The following LRIG1 variants were observed in gnomAD, a reference collection of about 807,000 sequenced individuals.
LRIG1 encodes leucine rich repeats and immunoglobulin like domains 1, also known as leucine-rich repeats and immunoglobulin-like domains protein 1.
In LRIG1, 48 loss-of-function variants were observed where a neutral mutation model predicts 99.2. The observed-to-expected ratio is 0.48, with a 90% CI of 0.38 to 0.62. LRIG1 has a LOEUF of 0.62. Ranked by LOEUF, LRIG1 falls within the 20% of genes least tolerant of loss-of-function variation. LRIG1 has a pLI of 0.00. For synonymous variants in LRIG1, 772 were observed against 596.1 expected (o/e 1.29, Z -4.30); for missense variants, 1,646 against 1,434.4 (o/e 1.15, Z -2.38).
Position 66,500,736 on chromosome 3 carries a change from C to A in LRIG1, c.-329G>T. The A allele has an allele frequency of 5.3e-6, 1 of 188,710 alleles. No homozygotes were observed. Among genetic ancestry groups the A allele is most frequent in the Non-Finnish European group, 1.1e-5 (1 of 92,370 alleles). 11.7% of individuals were successfully genotyped at this position (188,710 alleles called of 1,614,324 possible). Reference sequence around the variant, plus strand: ...GCCCGGGGCACGCCGAGTGCCGCTACCGACACCGGCCGAGGGCAGTGCTGC... The same window carrying A: ...GCCCGGGGCACGCCGAGTGCCGCTAACGACACCGGCCGAGGGCAGTGCTGC... On this transcript the variant is annotated 5_prime_UTR_variant, in exon 1 of 19. Coordinates refer to ENST00000273261, the MANE Select transcript of LRIG1 (RefSeq NM_015541.3).
chr3:66,429,634 A>AT (rs139545056), intron 3 of LRIG1, among the ~76,000 whole-genome samples: 72,538 of 152,022 alleles, frequency 0.48, 20,711 homozygotes, highest in Non-Finnish European at 0.66. Flanking sequence ...TGACACTGTA[A>AT]TGGTGGGCAC....
chr3:66,422,178 A>C (rs1025296712), intron 3 of LRIG1, among the ~76,000 whole-genome samples: 9 of 152,218 alleles, frequency 5.9e-5, no homozygotes, highest in African/African-American at 1.7e-4. Flanking sequence ...CTGGAGACAT[A>C]TTCCCCATTG....
intron 1 of LRIG1, among the ~76,000 whole-genome samples, chr3:66,490,562 G>C (rs1462255032): frequency 6.6e-6 from 1 of 152,096 alleles, no homozygotes; most frequent in Non-Finnish European, 1.5e-5. Context: ...AAAACCAGAT[G>C]AAAGAATGGT....
rs955297006 is a variant in LRIG1 at position 66,401,688 on chromosome 3, C to CA, written c.1161-2648dup. 4 of 1,525,092 alleles carry CA rather than the reference C, an allele frequency of 2.6e-6. No individual in the cohort carries two copies. In the African/African-American group the frequency reaches 5.5e-5, roughly 21 times the overall value. The allele number at this position is 1,525,092 out of a possible 1,614,324, so 94.5% of individuals were successfully genotyped here. On this transcript the variant is annotated intron_variant, in intron 9 of 18. Coordinates refer to ENST00000273261, the MANE Select transcript of LRIG1 (RefSeq NM_015541.3). ...GATGGCTCTAATAAAAGGCTGCTGC[C>CA]AGGAGAAAGGAGAGGCGGGATTATG...
chr3:66,405,836 G>T, intron 8 of LRIG1: 1 of 1,133,998 alleles, frequency 8.8e-7, no homozygotes, highest in Non-Finnish European at 1.1e-6. Context: ...ACATCTGGGT[G>T]CTGAGTCAGA....
intron 3 of LRIG1, among the ~76,000 whole-genome samples, chr3:66,441,069 C>G (rs116239031): frequency 6.6e-6 from 1 of 151,998 alleles, no homozygotes; most frequent in Non-Finnish European, 1.5e-5. Context: ...CAGCTGTCCC[C>G]GAGGAAAAAA....
At chr3:66,382,634 C>T (rs1701144728) in intron 15 of LRIG1, among the ~76,000 whole-genome samples, 1 of 151,994 alleles carries the variant, frequency 6.6e-6, no homozygotes, top group African/African-American at 2.4e-5. Flanking sequence ...AAGTGGAGAC[C>T]AGTGATGGAA....
chr3:66,475,436 C>A (rs1389091844), intron 1 of LRIG1, among the ~76,000 whole-genome samples: 1 of 152,188 alleles, frequency 6.6e-6, no homozygotes, highest in East Asian at 1.9e-4. Flanking sequence ...GGCAGGCACT[C>A]AGCTATCAGA....
chr3:66,479,034 G>C (rs1700788091), intron 1 of LRIG1, among the ~76,000 whole-genome samples: 1 of 152,138 alleles, frequency 6.6e-6, no homozygotes, highest in African/African-American at 2.4e-5. Flanking sequence ...TCACCCTGCA[G>C]CCGCCCAAGT....
intron 3 of LRIG1, among the ~76,000 whole-genome samples, chr3:66,435,825 A>G (rs1006917668): frequency 6.6e-6 from 1 of 151,994 alleles, no homozygotes; most frequent in African/African-American, 2.4e-5. Flanking sequence ...AATTATCCCT[A>G]AGTATCATTA....
intron 3 of LRIG1, among the ~76,000 whole-genome samples, chr3:66,441,020 T>C (rs988364957): frequency 6.6e-6 from 1 of 152,062 alleles, no homozygotes; most frequent in African/African-American, 2.4e-5. Flanking sequence ...TACCGCTACG[T>C]GGAAAAGGAG....
Position 66,445,200 on chromosome 3 carries a change from A to G in LRIG1, c.365+6359T>C, listed in dbSNP as rs1703674807. On this transcript the variant is annotated intron_variant, in intron 3 of 18. Transcript: ENST00000273261. ...GAGAATTCATTTTATTGCCAGAGCAATAAAATGCCTGTAGCCCAGGTAAGG... is the reference window on the plus strand; with the variant it reads ...GAGAATTCATTTTATTGCCAGAGCAGTAAAATGCCTGTAGCCCAGGTAAGG... 2.6e-5 allele frequency among the ~76,000 whole-genome samples: 4 copies of G among 152,078 alleles called. No individual in the cohort carries two copies. In the South Asian group the frequency reaches 8.3e-4, roughly 31 times the overall value.
At chr3:66,474,294 G>C (rs1029141265) in intron 1 of LRIG1, among the ~76,000 whole-genome samples, 1 of 150,718 alleles carries the variant, frequency 6.6e-6, no homozygotes, top group South Asian at 2.1e-4. Context: ...TAAATCATTC[G>C]CCAAAGTCCC....
At chr3:66,395,337 C>T (rs1308276324) in intron 11 of LRIG1, among the ~76,000 whole-genome samples, 2 of 152,154 alleles carry the variant, frequency 1.3e-5, no homozygotes, top group African/African-American at 4.8e-5. Flanking sequence ...ACCAAATGGA[C>T]TGGCCTTCCA....
At chr3:66,409,409 G>C (rs923167398) in intron 7 of LRIG1, among the ~76,000 whole-genome samples, 1 of 152,158 alleles carries the variant, frequency 6.6e-6, no homozygotes, top group African/African-American at 2.4e-5. Context: ...TCGCTACCCA[G>C]GCGACAGTCT....
intron 3 of LRIG1, among the ~76,000 whole-genome samples, chr3:66,444,656 C>T (rs1703656859): frequency 6.6e-6 from 1 of 152,170 alleles, no homozygotes. Flanking sequence ...CCCGTTGAAC[C>T]AAGCCAGAAA....
chr3:66,493,186 T>C (rs537932182), intron 1 of LRIG1, among the ~76,000 whole-genome samples: 2 of 152,286 alleles, frequency 1.3e-5, no homozygotes, highest in South Asian at 2.1e-4. Context: ...CACCTGCATT[T>C]TTCCAAGCTA....
At chr3:66,405,164 T>G (rs1559780669) in intron 9 of LRIG1, 34 bp downstream of exon 9, 1 of 1,599,248 alleles carries the variant, frequency 6.3e-7, no homozygotes, top group Admixed American at 1.7e-5. Context: ...GTCCCGCGCA[T>G]TTGCCGGCGG....
At chr3:66,383,621 G>GC (rs1218586828) in intron 14 of LRIG1, among the ~76,000 whole-genome samples, 3 of 152,124 alleles carry the variant, frequency 2.0e-5, no homozygotes, top group Non-Finnish European at 4.4e-5. Flanking sequence ...GCTGACAAAA[G>GC]CCCCTGCTAT....
Sources: allele counts gnomAD v4.1 joint callset (sites outside exome capture counted in the v4.1 genomes callset), GRCh38; gene constraint gnomAD v4.1.1; transcripts MANE v1.5; gene names NCBI Gene and HGNC (gene_info 2026-07-23, HGNC 2026-07-21).